The following MLLT6 variants were observed in gnomAD, a reference collection of about 807,000 sequenced individuals.
MLLT6 encodes protein AF-17.
MLLT6 carries 22 observed loss-of-function variants against 103.0 expected under a neutral mutation model. That is an observed-to-expected ratio of 0.21 (90% CI 0.15 to 0.31). The LOEUF is 0.31. Ranked by LOEUF, MLLT6 falls within the 10% of genes least tolerant of loss-of-function variation. The pLI is 1.00. For synonymous variants in MLLT6, 606 were observed against 623.5 expected (o/e 0.97, Z 0.42); for missense variants, 1,199 against 1,441.7 (o/e 0.83, Z 2.73).
At position 38,717,887 on chromosome 17, in the gene MLLT6, C is replaced by T. The variant is rs761835238; in HGVS notation, c.1876C>T (p.His626Tyr). ...CTCTACCTTTAGCCTCCCTTCTACCCACATCTTTGGAACCCCCATGGGTGC... is the reference window on the plus strand; with the variant it reads ...CTCTACCTTTAGCCTCCCTTCTACCTACATCTTTGGAACCCCCATGGGTGC... ...AGSTFSLPST[H>Y]IFGTPMGAVN... Residue 626 changes from histidine to tyrosine, a missense_variant, in exon 12 of 20, where the codon CAC becomes TAC. By Grantham distance (83) the His-to-Tyr change is moderately conservative. Transcript: ENST00000621332. 1 of 1,614,102 alleles carries T rather than the reference C, an allele frequency of 6.2e-7. No homozygotes were observed. The highest frequency in any genetic ancestry group is 1.1e-5 in the South Asian group (1 of 91,082).
chr17:38,715,753 G>A lies in MLLT6; in HGVS notation c.961G>A (p.Val321Met). ...KGKKLSSGKG[V>M]SSFTSASSSS... ...GAAGAAACTGAGCAGTGGGAAAGGT[G>A]TGAGCAGTTTTACCTCCGCCTCCTC... is the stretch of plus-strand genomic sequence containing the variant. The change falls in exon 9 of 20, where the codon GTG becomes ATG. Residue 321 changes from valine (V) to methionine (M), a missense_variant. This residue lies in a region of MLLT6 where 1,034 missense variants were observed against 1,091.5 expected (regional missense o/e 0.95). Transcript: ENST00000621332. 1 of 1,614,068 alleles carries A rather than the reference G, an allele frequency of 6.2e-7. No individual in the cohort carries two copies. Among genetic ancestry groups the A allele is most frequent in the East Asian group, 2.2e-5 (1 of 44,876 alleles).
In MLLT6 at chr17:38,707,494, G is replaced by C; in HGVS notation, c.198G>C (p.Glu66Asp). The C allele has an allele frequency of 6.2e-7, 1 of 1,614,200 alleles. No homozygotes were observed. The highest frequency in any genetic ancestry group is 8.5e-7 in the Non-Finnish European group (1 of 1,180,030). ...SQERAARVRC[E>D]LCPHKDGALK... ...CACTCTTGCATTGGCAGAGGTGTGA[G>C]CTGTGCCCACACAAAGACGGGGCAT... The change falls in exon 3 of 20, where the codon GAG becomes GAC. Residue 66 changes from glutamate to aspartate, a missense_variant. Physicochemically the swap from Glu to Asp is conservative, Grantham distance 45 (BLOSUM62 2). Transcript: ENST00000621332.
In MLLT6 at chr17:38,722,373, C is replaced by T. The variant is rs1024452307; in HGVS notation, c.2792+146C>T. 6.6e-5 allele frequency: 43 copies of T among 647,160 alleles called. 1 individual carries two copies. The highest frequency in any genetic ancestry group is 1.0e-5 in the Non-Finnish European group (4 of 396,074). 40.1% of individuals were successfully genotyped at this position (647,160 alleles called of 1,614,324 possible). On this transcript the variant is annotated intron_variant, in intron 17 of 19. Coordinates refer to ENST00000621332, the MANE Select transcript of MLLT6 (RefSeq NM_005937.4). ...GTATATAATCCTAGTCACCTCTTGG[C>T]CTCTAAGGACTCCACAGACTGTTAG...
rs1458341311 is a variant in MLLT6 at position 38,716,302 on chromosome 17, C to T, written c.1037-65C>T. On this transcript the variant is annotated intron_variant, in intron 9 of 19. Coordinates refer to ENST00000621332, the MANE Select transcript of MLLT6 (RefSeq NM_005937.4). This position sits in a 1 kb window ranked among gnomAD's most constrained non-coding sequence, Gnocchi z 5.6. ...ACCAGAGCTCTCTCCCGCCAGTACA[C>T]GCGGGAGTGGGAGGGAGTGCGGGGA... The T allele has an allele frequency of 6.0e-6, 9 of 1,503,236 alleles. No homozygotes were observed. The Admixed American group carries it at 8.5e-5, about 14-fold the overall frequency. 93.1% of individuals were successfully genotyped at this position (1,503,236 alleles called of 1,614,324 possible). A position where few individuals can be genotyped will look rare whatever the true frequency, so the allele number is the denominator to read the frequency against.
At chr17:38,725,024 T>G in intron 19 of MLLT6, 48 bp downstream of exon 19, 1 of 1,279,964 alleles carries the variant, frequency 7.8e-7, no homozygotes, top group East Asian at 2.6e-5. Flanking sequence ...GAGGGATGGG[T>G]AGAGATGGAT....
rs902617540 is a variant in MLLT6, at chr17:38,727,577, C to T, written c.*1979C>T. 7.4e-4 allele frequency: 144 copies of T among 195,546 alleles called. 1 individual carries two copies. Among genetic ancestry groups the T allele is most frequent in the African/African-American group, 3.1e-3 (133 of 43,272 alleles). 12.1% of individuals were successfully genotyped at this position (195,546 alleles called of 1,614,324 possible). On this transcript the variant is annotated 3_prime_UTR_variant, in exon 20 of 20. Transcript: ENST00000621332. ...CAACACTTTGGGAGGCTGAGGCGGGCGGATCACTTAAGGTCAGGAGTTCAA... is the reference window on the plus strand; with the variant it reads ...CAACACTTTGGGAGGCTGAGGCGGGTGGATCACTTAAGGTCAGGAGTTCAA...
In MLLT6 at chr17:38,724,805, C is replaced by T. The variant is rs745893940; in HGVS notation, c.3069C>T (p.Pro1023=). Residue 1023 remains proline (P), a synonymous_variant, in exon 19 of 20, where the codon CCC becomes CCT. Coordinates refer to ENST00000621332, the MANE Select transcript of MLLT6 (RefSeq NM_005937.4). This position sits in a 1 kb window ranked among gnomAD's most constrained non-coding sequence, Gnocchi z 5.4. The part of the protein sequence containing the change: ...LPTASAPPLL[P]AGALVAPSLG... ...CAGCGTCTGCTCCACCCCTGCTGCC[C>T]GCTGGAGCCCTAGTGGCTCCCTCGC... 23 of 1,603,878 alleles carry T rather than the reference C, an allele frequency of 1.4e-5. No homozygotes were observed. The highest frequency in any genetic ancestry group is 1.7e-5 in the Non-Finnish European group (20 of 1,175,600).
rs1234198703 is a variant in MLLT6, at chr17:38,716,984, T to G, written c.1651+3T>G. 1 of 1,613,104 alleles carries G rather than the reference T, an allele frequency of 6.2e-7. No homozygotes were observed. The highest frequency in any genetic ancestry group is 8.5e-7 in the Non-Finnish European group (1 of 1,179,826). On this transcript the variant is annotated splice_donor_region_variant and intron_variant, in intron 10 of 19. Transcript: ENST00000621332. The surrounding 1 kb of genome is among the most constrained non-coding windows in gnomAD (Gnocchi z 5.6). ...GGAGTCCCCCTTACTAGGGGCAGGT[T>G]AGTGACCCCTGGGGACAGAGGGCAT...
rs199715731 is a variant in MLLT6 at position 38,728,187 on chromosome 17, C to CA, written c.*2590dup. ...GCAGCCCTCTTCTCCTCTTCCCCCCCACATCTCTCATGAGAGAGGTAGTGG... is the reference window on the plus strand; with the variant it reads ...GCAGCCCTCTTCTCCTCTTCCCCCCCAACATCTCTCATGAGAGAGGTAGTGG... On this transcript the variant is annotated 3_prime_UTR_variant, in exon 20 of 20. Transcript: ENST00000621332. 2.2e-3 allele frequency: 505 copies of CA among 233,372 alleles called. 7 individuals are homozygous for CA. The East Asian group carries it at 0.028, about 13-fold the overall frequency. The allele number at this position is 233,372 out of a possible 1,614,324, so 14.5% of individuals were successfully genotyped here. A position where few individuals can be genotyped will look rare whatever the true frequency, so the allele number is the denominator to read the frequency against.
chr17:38,716,074 T>C lies in MLLT6; in HGVS notation c.1036+246T>C, dbSNP rs982502413. The stretch of plus-strand genomic sequence containing the variant: ...AACAGTATTCCTTATCCCCTACATT[T>C]GTGCTGCAAGGTACAATTTTTCAAG... On this transcript the variant is annotated intron_variant, in intron 9 of 19. Coordinates refer to ENST00000621332, the MANE Select transcript of MLLT6 (RefSeq NM_005937.4). This position sits in a 1 kb window ranked among gnomAD's most constrained non-coding sequence, Gnocchi z 5.6. 5.0e-6 allele frequency: 3 copies of C among 601,472 alleles called. No homozygotes were observed. The African/African-American group carries it at 5.6e-5, about 11-fold the overall frequency. 37.3% of individuals were successfully genotyped at this position (601,472 alleles called of 1,614,324 possible). A position where few individuals can be genotyped will look rare whatever the true frequency, so the allele number is the denominator to read the frequency against.
At chr17:38,719,610 G>A in intron 13 of MLLT6, 27 bp downstream of exon 13, 1 of 1,589,624 alleles carries the variant, frequency 6.3e-7, no homozygotes, top group Non-Finnish European at 8.6e-7. Flanking sequence ...CCTGGAGGAG[G>A]GGCTGGGGGC....
rs1247792502 is a variant in MLLT6, at chr17:38,721,940, A to C, written c.2505A>C (p.Pro835=). ...SSSLSFHSTP[P]PLPLLQQSPA... Reference sequence around the variant, plus strand: ...CGCTGTCCTTCCACAGCACGCCCCCACCGCTGCCCCTCCTCCAGCAGAGCC... The same window carrying C: ...CGCTGTCCTTCCACAGCACGCCCCCCCCGCTGCCCCTCCTCCAGCAGAGCC... Residue 835 remains proline, a synonymous_variant, in exon 17 of 20, where the codon CCA becomes CCC. Transcript: ENST00000621332. The C allele has an allele frequency of 2.0e-6, 3 of 1,534,714 alleles. No homozygotes were observed. Among genetic ancestry groups the C allele is most frequent in the Non-Finnish European group, 8.7e-7 (1 of 1,147,816 alleles).
At chr17:38,707,957 T>A in intron 4 of MLLT6, 85 bp downstream of exon 4, 5 of 919,178 alleles carry the variant, frequency 5.4e-6, no homozygotes, top group Non-Finnish European at 8.7e-6. Flanking sequence ...TGTAATTTGA[T>A]TCTGTCCAAC....
chr17:38,711,807 G>A (rs1435467617), intron 6 of MLLT6, 40 bp from the exon 7 acceptor site: 1 of 1,475,490 alleles, frequency 6.8e-7, no homozygotes. Flanking sequence ...CTAAGCCCGT[G>A]AGAAGAGGGT....
Position 38,729,550 on chromosome 17 carries a change from G to A in MLLT6, c.*3952G>A, listed in dbSNP as rs1782013233. 4.3e-6 allele frequency: 1 copy of A among 233,136 alleles called. No individual in the cohort carries two copies. The highest frequency in any genetic ancestry group is 2.2e-5 in the African/African-American group (1 of 45,368). 14.4% of individuals were successfully genotyped at this position (233,136 alleles called of 1,614,324 possible). ...TATCCCAACCTGTTTCCATGTAGCA[G>A]ACCCTTCCTAGGGAGCAGGGAGGGG... On this transcript the variant is annotated 3_prime_UTR_variant, in exon 20 of 20. Coordinates refer to ENST00000621332, the MANE Select transcript of MLLT6 (RefSeq NM_005937.4).
chr17:38,707,513 G>A lies in MLLT6; in HGVS notation c.217G>A (p.Gly73Arg). Reference protein sequence around the residue: ...VRCELCPHKDGALKRTDNGGW... With the variant: ...VRCELCPHKDRALKRTDNGGW... Reference sequence around the variant, plus strand: ...GTGTGAGCTGTGCCCACACAAAGACGGGGCATTGAAGAGGACTGATAATGG... The same window carrying A: ...GTGTGAGCTGTGCCCACACAAAGACAGGGCATTGAAGAGGACTGATAATGG... The change falls in exon 3 of 20, where the codon GGG becomes AGG. Residue 73 changes from glycine to arginine, a missense_variant. Gly to Arg is a moderately radical substitution (Grantham distance 125). Around this residue, in one of 7 missense-constraint regions of MLLT6, gnomAD observed 26 missense variants for 44.5 expected, o/e 0.58. Coordinates refer to ENST00000621332, the MANE Select transcript of MLLT6 (RefSeq NM_005937.4). The A allele has an allele frequency of 6.2e-7, 1 of 1,614,154 alleles. No individual in the cohort carries two copies. The highest frequency in any genetic ancestry group is 8.5e-7 in the Non-Finnish European group (1 of 1,180,036).
chr17:38,721,831 A>G (rs1395477964), intron 16 of MLLT6, 47 bp from the exon 17 acceptor site: 3 of 1,377,092 alleles, frequency 2.2e-6, no homozygotes, highest in Non-Finnish European at 2.9e-6. Flanking sequence ...AGGGGCCAGA[A>G]AAGTCATGCT....
In MLLT6 at chr17:38,707,474, T is replaced by G; in HGVS notation, c.190-12T>G. ...CAGATCCCCCAACCCCTGTGCACTC[T>G]TGCATTGGCAGAGGTGTGAGCTGTG... On this transcript the variant is annotated splice_polypyrimidine_tract_variant and intron_variant, in intron 2 of 19. Coordinates refer to ENST00000621332, the MANE Select transcript of MLLT6 (RefSeq NM_005937.4). 1 of 1,613,754 alleles carries G rather than the reference T, an allele frequency of 6.2e-7. No individual in the cohort carries two copies. The highest frequency in any genetic ancestry group is 8.5e-7 in the Non-Finnish European group (1 of 1,179,794).
rs913122803 is a variant in MLLT6, at chr17:38,722,852, A to G, written c.2883+84A>G. The G allele has an allele frequency of 2.3e-5, 24 of 1,055,240 alleles. No individual in the cohort carries two copies. The Admixed American group carries it at 3.8e-4, about 17-fold the overall frequency. 65.4% of individuals were successfully genotyped at this position (1,055,240 alleles called of 1,614,324 possible). On this transcript the variant is annotated intron_variant, in intron 18 of 19. Coordinates refer to ENST00000621332, the MANE Select transcript of MLLT6 (RefSeq NM_005937.4). ...TCAGAGGATCAGGGCCAGCCAGGAG[A>G]GGGCAGGAGCAGGCAGAGTGAGGGG...
Sources: allele counts gnomAD v4.1 joint callset, GRCh38; gene constraint gnomAD v4.1.1; regional missense constraint gnomAD v4.1.1; non-coding constraint Gnocchi (gnomAD v3.1); transcripts MANE v1.5; gene names NCBI Gene and HGNC (gene_info 2026-07-23, HGNC 2026-07-21).